SSH2: variants seen among roughly 807,000 people sequenced by gnomAD.
SSH2 encodes protein phosphatase Slingshot homolog 2.
In SSH2, 37 loss-of-function variants were observed where a neutral mutation model predicts 135.2. The ratio of observed to expected loss-of-function variants is 0.27; its 90% CI spans 0.21 to 0.36. The LOEUF (loss-of-function observed/expected upper bound fraction) is 0.36, where lower values mean the gene tolerates loss of function less well. Among genes scored for constraint, SSH2 ranks in the 10% least tolerant of loss-of-function variants. SSH2 has a pLI of 1.00. For synonymous variants in SSH2, 628 were observed against 646.2 expected (o/e 0.97, Z 0.43); for missense variants, 1,408 against 1,765.3 (o/e 0.80, Z 3.63).
rs151096287 is a variant in SSH2, at chr17:29,766,043, A to G, written c.188+27851T>C. Among the ~76,000 whole-genome samples, 641 of 150,594 alleles carry G rather than the reference A, an allele frequency of 4.3e-3. 8 individuals carry two copies. Among genetic ancestry groups the G allele is most frequent in the African/African-American group, 0.015 (604 of 40,714 alleles). ...TCCAAAAAAAAAAAAAAAAAGATACAGGGACAAAAGTACTTTGTGAACAAC... is the reference window on the plus strand; with the variant it reads ...TCCAAAAAAAAAAAAAAAAAGATACGGGGACAAAAGTACTTTGTGAACAAC... On this transcript the variant is annotated intron_variant, in intron 3 of 15. Transcript: ENST00000540801.
Position 29,627,837 on chromosome 17 carries a change from C to T in SSH2, c.*3004G>A, listed in dbSNP as rs903159598. On this transcript the variant is annotated 3_prime_UTR_variant, in exon 16 of 16. Coordinates refer to ENST00000540801, the MANE Select transcript of SSH2 (RefSeq NM_001282129.2). ...GCTCCTGGGGCTTTTACCCCATACACCAAAACATCAACTGTTTTTATATAT... is the reference window on the plus strand; with the variant it reads ...GCTCCTGGGGCTTTTACCCCATACATCAAAACATCAACTGTTTTTATATAT... 6.6e-6 allele frequency: 1 copy of T among 152,338 alleles called. No individual in the cohort carries two copies. The highest frequency in any genetic ancestry group is 2.4e-5 in the African/African-American group (1 of 41,408). 9.4% of individuals were successfully genotyped at this position (152,338 alleles called of 1,614,324 possible).
intron 1 of SSH2, among the ~76,000 whole-genome samples, chr17:29,896,725 C>G (rs1317995270): frequency 2.0e-5 from 3 of 151,374 alleles, no homozygotes; most frequent in African/African-American, 7.3e-5. Context: ...AAAATGCAGC[C>G]TACACATTTA....
intron 11 of SSH2, among the ~76,000 whole-genome samples, chr17:29,656,066 G>A (rs1296837870): frequency 1.3e-5 from 2 of 152,180 alleles, no homozygotes; most frequent in South Asian, 4.1e-4. Flanking sequence ...GGAAACCCAC[G>A]CACCTTGCAC....
rs775865247 is a variant in SSH2 at position 29,630,722 on chromosome 17, G to C, written c.*119C>G. ...AAACACCCAAACCCTGCATGCACCA[G>C]AAACAGTAAAATGACCAAAATATTA... is the stretch of plus-strand genomic sequence containing the variant. On this transcript the variant is annotated 3_prime_UTR_variant, in exon 16 of 16. Coordinates refer to ENST00000540801, the MANE Select transcript of SSH2 (RefSeq NM_001282129.2). 1.1e-4 allele frequency: 125 copies of C among 1,119,694 alleles called. 2 individuals are homozygous for C. Among genetic ancestry groups the C allele is most frequent in the Non-Finnish European group, 1.5e-4 (115 of 789,250 alleles). The allele number at this position is 1,119,694 out of a possible 1,614,324, so 69.4% of individuals were successfully genotyped here. A position where few individuals can be genotyped will look rare whatever the true frequency, so the allele number is the denominator to read the frequency against.
At chr17:29,842,934 C>G (rs2043068476) in intron 2 of SSH2, among the ~76,000 whole-genome samples, 1 of 152,182 alleles carries the variant, frequency 6.6e-6, no homozygotes, top group Non-Finnish European at 1.5e-5. Context: ...CCATTTGAAA[C>G]TCATAATAAA....
At chr17:29,745,791 C>T (rs2040740042) in intron 3 of SSH2, among the ~76,000 whole-genome samples, 1 of 151,734 alleles carries the variant, frequency 6.6e-6, no homozygotes, top group African/African-American at 2.4e-5. Context: ...CGTATTTAAT[C>T]CTCATAGGTA....
chr17:29,775,257 A>G (rs975597384), intron 3 of SSH2, among the ~76,000 whole-genome samples: 2 of 151,558 alleles, frequency 1.3e-5, no homozygotes, highest in South Asian at 2.1e-4. Context: ...AGGGAGACAA[A>G]CTGGAGTGTG....
chr17:29,906,567 C>A (rs985976723), intron 1 of SSH2, among the ~76,000 whole-genome samples: 19 of 152,068 alleles, frequency 1.2e-4, no homozygotes, highest in Non-Finnish European at 2.5e-4. Flanking sequence ...ATAATCAGAG[C>A]AAACAGACAA....
At chr17:29,781,773 C>A (rs1266375084) in intron 3 of SSH2, among the ~76,000 whole-genome samples, 1 of 151,514 alleles carries the variant, frequency 6.6e-6, no homozygotes, top group East Asian at 1.9e-4. Flanking sequence ...CCACGGTGCC[C>A]AGCCCAATAA....
At chr17:29,695,436 T>C in intron 5 of SSH2, 23 bp downstream of exon 5, 1 of 1,602,460 alleles carries the variant, frequency 6.2e-7, no homozygotes. Context: ...AGGAAGAAAA[T>C]TATGATGACA....
In SSH2 at chr17:29,631,513, C is replaced by T. The variant is rs777143034; in HGVS notation, c.3681G>A (p.Gln1227=). The change falls in exon 16 of 16, where the codon CAG becomes CAA. Residue 1227 remains glutamine (Q), a synonymous_variant. Transcript: ENST00000540801. ...CTACAGGCAATGGGTCCATTTTCTCCTGTAACTCCCCAGTGTTGTCACCAA... is the reference window on the plus strand; with the variant it reads ...CTACAGGCAATGGGTCCATTTTCTCTTGTAACTCCCCAGTGTTGTCACCAA... The part of the protein sequence containing the change: ...SKLGDNTGEL[Q]EKMDPLPVAC... The T allele has an allele frequency of 2.5e-6, 4 of 1,614,048 alleles. No individual in the cohort carries two copies. In the African/African-American group the frequency reaches 4.0e-5, roughly 16 times the overall value.
In SSH2 at chr17:29,918,248, C is replaced by T. The variant is rs1210242682; in HGVS notation, c.63+11690G>A. Among the ~76,000 whole-genome samples, 5 of 152,054 alleles carry T rather than the reference C, an allele frequency of 3.3e-5. 1 individual carries two copies. The highest frequency in any genetic ancestry group is 3.3e-4 in the Admixed American group (5 of 15,258). ...ACACTGAGAAGGTAACACCTAAGGG[C>T]AGGGGGGTGGAATTTAGTAGTTGCT... On this transcript the variant is annotated intron_variant, in intron 1 of 15. Coordinates refer to ENST00000540801, the MANE Select transcript of SSH2 (RefSeq NM_001282129.2).
chr17:29,907,366 G>A (rs1173576937), intron 1 of SSH2, among the ~76,000 whole-genome samples: 2 of 151,958 alleles, frequency 1.3e-5, no homozygotes, highest in Non-Finnish European at 2.9e-5. Flanking sequence ...TGGAGTGGGG[G>A]GAGGGAGAAC....
intron 2 of SSH2, among the ~76,000 whole-genome samples, chr17:29,813,204 G>A (rs2042479475): frequency 6.6e-6 from 1 of 151,680 alleles, no homozygotes; most frequent in Non-Finnish European, 1.5e-5. Context: ...CCAACATGGC[G>A]AAACCCCATC....
chr17:29,885,758 T>C (rs556648025), intron 1 of SSH2, among the ~76,000 whole-genome samples: 24 of 152,270 alleles, frequency 1.6e-4, no homozygotes, highest in African/African-American at 5.3e-4. Context: ...TCCTGTGCTG[T>C]TCTGGTGATA....
chr17:29,676,630 AC>A (rs2151058139), intron 8 of SSH2, 189 bp downstream of exon 8: 1 of 506,468 alleles, frequency 2.0e-6, no homozygotes, highest in African/African-American at 1.9e-5. Context: ...TCACTTGTTC[AC>A]CAATACTCAA....
chr17:29,788,089 T>TC (rs2042001129), intron 3 of SSH2, among the ~76,000 whole-genome samples: 1 of 152,204 alleles, frequency 6.6e-6, no homozygotes. Context: ...AAATGTCTAT[T>TC]CAAGTTCTTT....
intron 3 of SSH2, among the ~76,000 whole-genome samples, chr17:29,725,247 T>C (rs939973648): frequency 6.9e-6 from 1 of 144,298 alleles, no homozygotes; most frequent in African/African-American, 2.6e-5. Context: ...CTCAGGAGGC[T>C]GAGGCAGGAG....
intron 1 of SSH2, among the ~76,000 whole-genome samples, chr17:29,908,201 T>C (rs976294688): frequency 3.3e-5 from 5 of 152,008 alleles, no homozygotes; most frequent in African/African-American, 1.2e-4. Context: ...TCTGTAATGA[T>C]AGCACTTTGG....
Sources: allele counts gnomAD v4.1 joint callset (sites outside exome capture counted in the v4.1 genomes callset), GRCh38; gene constraint gnomAD v4.1.1; transcripts MANE v1.5; gene names NCBI Gene and HGNC (gene_info 2026-07-23, HGNC 2026-07-21).